Variants in ZNF276 observed in about 807,000 individuals in gnomAD.
The protein encoded by ZNF276 is zinc finger protein 276.
Under a neutral mutation model 63.9 loss-of-function variants are expected in ZNF276, and 59 were observed. The observed-to-expected ratio is 0.92, with a 90% CI of 0.75 to 1.15. The LOEUF (loss-of-function observed/expected upper bound fraction) is 1.15. ZNF276 is among the 50% of genes most tolerant of loss of function. The probability of loss-of-function intolerance (pLI) is 0.00; values close to 1 mark genes in which losing one functional copy is unlikely to be tolerated. For missense variants in ZNF276, 1,084 were observed against 843.8 expected (o/e 1.28, Z -3.53); for synonymous variants, 496 against 348.4 (o/e 1.42, Z -4.72).
At chr16:89,736,601 A>G (rs1275165581) in intron 9 of ZNF276, among the ~76,000 whole-genome samples, 1 of 151,782 alleles carries the variant, frequency 6.6e-6, no homozygotes, top group Non-Finnish European at 1.5e-5. Flanking sequence ...GCTGGGATTG[A>G]GCACTTTGTG....
At chr16:89,721,532 C>CCCCCG (rs1200459755), upstream of ZNF276, 78 of 1,157,156 alleles carry the variant, frequency 6.7e-5, no homozygotes, top group Non-Finnish European at 8.7e-5. Flanking sequence ...CTCCGCCCCT[C>CCCCCG]CCCCGCCCCG....
At chr16:89,735,984 T>C (rs1381166272) in intron 9 of ZNF276, among the ~76,000 whole-genome samples, 1 of 151,330 alleles carries the variant, frequency 6.6e-6, no homozygotes, top group Non-Finnish European at 1.5e-5. Flanking sequence ...CTCCTCTTCC[T>C]GGGGTAAAGC....
At chr16:89,729,481 G>A (rs1302161987) in intron 6 of ZNF276, among the ~76,000 whole-genome samples, 163 bp downstream of exon 6, 1 of 151,950 alleles carries the variant, frequency 6.6e-6, no homozygotes, top group African/African-American at 2.4e-5. Flanking sequence ...GGAGGCGGGG[G>A]AGGGGCAGGC....
At chr16:89,733,702 AG>A in intron 8 of ZNF276, 145 bp downstream of exon 8, 1 of 1,002,848 alleles carries the variant, frequency 1.0e-6, no homozygotes, top group Non-Finnish European at 1.5e-6. Flanking sequence ...AGTCCTAGCC[AG>A]TGCCATCCTT....
chr16:89,721,670 G>A lies in ZNF276; in HGVS notation c.30G>A (p.Leu10=), dbSNP rs974683731. 34 of 1,440,508 alleles carry A rather than the reference G, an allele frequency of 2.4e-5. No individual in the cohort carries two copies. The East Asian group carries it at 1.0e-3, about 43-fold the overall frequency. The allele number at this position is 1,440,508 out of a possible 1,614,324, so 89.2% of individuals were successfully genotyped here. The change falls in exon 1 of 11, where the codon CTG becomes CTA. Residue 10 remains leucine, a synonymous_variant. Transcript: ENST00000443381. ...AGCGGGACCGGCTGGGCCGCTTCCT[G>A]TCTCCTGGGTCGTCCCGACAGTGCG... The part of the protein sequence containing the change: MKRDRLGRF[L]SPGSSRQCGA...
upstream of ZNF276, chr16:89,720,690 C>T: frequency 7.6e-7 from 1 of 1,312,416 alleles, no homozygotes; most frequent in Non-Finnish European, 9.7e-7. Flanking sequence ...CGGCCCCGTC[C>T]TCGCCCTCCC....
chr16:89,733,852 CCTA>C, intron 8 of ZNF276, 66 bp from the exon 9 acceptor site: 1 of 1,454,510 alleles, frequency 6.9e-7, no homozygotes, highest in Admixed American at 1.7e-5. Flanking sequence ...TCAGCTGTCA[CCTA>C]CTGAGGGCTC....
At position 89,727,313 on chromosome 16, in the gene ZNF276, C is replaced by G. The variant is rs565191119; in HGVS notation, c.1041C>G (p.Thr347=). Residue 347 remains threonine (T), a synonymous_variant, in exon 5 of 11, where the codon ACC becomes ACG. Transcript: ENST00000443381. ...QLGEKQLPSS[T]SDDRVKDEFS... ...GTGAGAAGCAGCTTCCATCTTCAAC[C>G]TCGGATGATCGGGTAAAAGACGAGT... The G allele has an allele frequency of 2.2e-4, 353 of 1,614,120 alleles. 1 individual carries two copies. The South Asian group carries it at 3.6e-3, about 17-fold the overall frequency.
At chr16:89,734,375 G>C (rs1325411279) in intron 9 of ZNF276, among the ~76,000 whole-genome samples, 2 of 152,028 alleles carry the variant, frequency 1.3e-5, no homozygotes, top group African/African-American at 4.8e-5. Context: ...GCCCAGGCTG[G>C]AGTGCAGTGG....
At chr16:89,724,768 C>G (rs1353274877) in intron 4 of ZNF276, among the ~76,000 whole-genome samples, 7 of 152,212 alleles carry the variant, frequency 4.6e-5, no homozygotes, top group Admixed American at 3.9e-4. Context: ...CTGCTTGGCT[C>G]TGTAAACTTG....
At chr16:89,731,000 C>T (rs907410207) in intron 6 of ZNF276, among the ~76,000 whole-genome samples, 12 of 152,226 alleles carry the variant, frequency 7.9e-5, no homozygotes, top group Non-Finnish European at 1.0e-4. Context: ...GGCCTGAGCC[C>T]AGCCCACCCG....
Position 89,738,093 on chromosome 16 carries a change from G to A in ZNF276, c.1692G>A (p.Glu564=), listed in dbSNP as rs1567589012. 6.2e-7 allele frequency: 1 copy of A among 1,614,034 alleles called. No individual in the cohort carries two copies. The highest frequency in any genetic ancestry group is 1.3e-5 in the African/African-American group (1 of 75,054). The part of the protein sequence containing the change: ...FACDQCGRRF[E]KAHNLNVHMS... ...GTGACCAGTGTGGCCGGCGGTTTGA[G>A]AAGGCCCACAACCTCAATGTACACA... The change falls in exon 11 of 11, where the codon GAG becomes GAA. Residue 564 remains glutamate (E), a synonymous_variant. Transcript: ENST00000443381.
rs546960079 is a variant in ZNF276, at chr16:89,728,604, T to G, written c.1086-631T>G. Among the ~76,000 whole-genome samples the G allele has an allele frequency of 6.2e-4, 94 of 152,060 alleles. No individual in the cohort carries two copies. In the South Asian group the frequency reaches 0.011, roughly 18 times the overall value. ...TTTTTAGCAGAGACGGGGTTTCACT[T>G]TGTTAGCCGGGATGGTCTTGATCTC... On this transcript the variant is annotated intron_variant, in intron 5 of 10. Transcript: ENST00000443381.
At chr16:89,734,847 A>G (rs1330580550) in intron 9 of ZNF276, among the ~76,000 whole-genome samples, 2 of 152,274 alleles carry the variant, frequency 1.3e-5, no homozygotes, top group Non-Finnish European at 1.5e-5. Context: ...TTATAATCCA[A>G]CAAGGATATG....
intron 9 of ZNF276, among the ~76,000 whole-genome samples, chr16:89,734,461 G>C (rs1279328969): frequency 1.3e-5 from 2 of 152,172 alleles, no homozygotes; most frequent in Non-Finnish European, 2.9e-5. Flanking sequence ...AAGTAGCTGG[G>C]ATTACAGGCA....
At chr16:89,724,931 C>T (rs985197814) in intron 4 of ZNF276, among the ~76,000 whole-genome samples, 17 of 152,164 alleles carry the variant, frequency 1.1e-4, no homozygotes, top group African/African-American at 9.7e-5. Context: ...TATTTACCTA[C>T]TTATCTATCT....
intron 9 of ZNF276, among the ~76,000 whole-genome samples, chr16:89,737,269 C>T (rs932302285): frequency 1.3e-5 from 2 of 152,132 alleles, no homozygotes; most frequent in African/African-American, 2.4e-5. Flanking sequence ...CACATGTAAT[C>T]CCAGCACTTT....
Position 89,740,430 on chromosome 16 carries a change from G to A in ZNF276, c.*2184G>A. 1 of 463,892 alleles carries A rather than the reference G, an allele frequency of 2.2e-6. No individual in the cohort carries two copies. Among genetic ancestry groups the A allele is most frequent in the Middle Eastern group, 6.1e-4 (1 of 1,634 alleles). 28.7% of individuals were successfully genotyped at this position (463,892 alleles called of 1,614,324 possible). ...CGAGGTCGGCGGATCACTGAGGCCA[G>A]TTCAAGACCAGCCTGGCAATATGGT... On this transcript the variant is annotated 3_prime_UTR_variant, in exon 11 of 11. Transcript: ENST00000443381.
At position 89,723,129 on chromosome 16, in the gene ZNF276, C is replaced by G. The variant is rs779043781; in HGVS notation, c.510-8C>G. 1 of 1,613,124 alleles carries G rather than the reference C, an allele frequency of 6.2e-7. No homozygotes were observed. Among genetic ancestry groups the G allele is most frequent in the Non-Finnish European group, 8.5e-7 (1 of 1,180,046 alleles). On this transcript the variant is annotated splice_polypyrimidine_tract_variant and splice_region_variant and intron_variant, in intron 2 of 10. Transcript: ENST00000443381. Reference sequence around the variant, plus strand: ...TGTCCTGCTCATGGCCACACTGATCCTTTGCAGGGTCGGTGCCCAGCCCCC... The same window carrying G: ...TGTCCTGCTCATGGCCACACTGATCGTTTGCAGGGTCGGTGCCCAGCCCCC...
Sources: gnomAD v4.1 joint callset for allele counts (sites outside exome capture counted in the v4.1 genomes callset) on GRCh38, gnomAD v4.1.1 for gene constraint, MANE v1.5 for transcripts, NCBI Gene and HGNC (gene_info 2026-07-23, HGNC 2026-07-21) for gene names.